The following ANKS1B variants were observed in gnomAD, a reference collection of about 807,000 sequenced individuals.
ANKS1B encodes the protein ankyrin repeat and sterile alpha motif domain-containing protein 1B.
A neutral mutation model predicts 148.3 loss-of-function variants in ANKS1B; 36 were observed. The observed-to-expected ratio is 0.24, with a 90% CI of 0.19 to 0.32. ANKS1B has a LOEUF of 0.32. Ranked by LOEUF, ANKS1B falls within the 10% of genes least tolerant of loss-of-function variation. The pLI is 1.00. For missense variants in ANKS1B, 1,157 were observed against 1,542.6 expected (o/e 0.75, Z 4.19); for synonymous variants, 542 against 560.8 (o/e 0.97, Z 0.47).
chr12:98,940,705 T>C (rs1217961461), intron 17 of ANKS1B, among the ~76,000 whole-genome samples: 1 of 152,190 alleles, frequency 6.6e-6, no homozygotes, highest in Non-Finnish European at 1.5e-5. Flanking sequence ...TAAATAAATA[T>C]TTGTTGAATG....
chr12:99,469,482 A>G (rs2096200716), intron 10 of ANKS1B, among the ~76,000 whole-genome samples: 2 of 152,048 alleles, frequency 1.3e-5, no homozygotes, highest in Middle Eastern at 3.2e-3. Flanking sequence ...TTCCTCTTTT[A>G]CCTCATTATG....
chr12:99,360,075 C>T (rs2092349648), intron 12 of ANKS1B, among the ~76,000 whole-genome samples: 1 of 152,080 alleles, frequency 6.6e-6, no homozygotes, highest in Non-Finnish European at 1.5e-5. Flanking sequence ...CTTAGCTTTT[C>T]TACTTTGAAT....
In ANKS1B at chr12:99,662,115, T is replaced by C. The variant is rs1011989295; in HGVS notation, c.1129-6905A>G. The stretch of plus-strand genomic sequence containing the variant: ...AAACAAACTCTTTCTCTTTAAGCCA[T>C]TATTATTATTTTAGATGTTTTTGTT... On this transcript the variant is annotated intron_variant, in intron 8 of 26. Coordinates refer to ENST00000683438, the MANE Select transcript of ANKS1B (RefSeq NM_001352186.2). Among the ~76,000 whole-genome samples, 4 of 152,180 alleles carry C rather than the reference T, an allele frequency of 2.6e-5. No individual in the cohort carries two copies. The South Asian group carries it at 6.2e-4, about 24-fold the overall frequency.
intron 17 of ANKS1B, among the ~76,000 whole-genome samples, chr12:98,887,425 G>A (rs1288304894): frequency 6.6e-6 from 1 of 151,934 alleles, no homozygotes; most frequent in East Asian, 1.9e-4. Context: ...CTTAAAGAGG[G>A]CCCCCAAATT....
At chr12:98,876,067 T>C (rs1008360064) in intron 17 of ANKS1B, among the ~76,000 whole-genome samples, 3 of 152,162 alleles carry the variant, frequency 2.0e-5, no homozygotes, top group African/African-American at 4.8e-5. Flanking sequence ...CAAATGCAGA[T>C]TGAACCAAAG....
chr12:99,721,830 C>A (rs1226488750), intron 8 of ANKS1B, among the ~76,000 whole-genome samples: 1 of 152,204 alleles, frequency 6.6e-6, no homozygotes, highest in Non-Finnish European at 1.5e-5. Context: ...GTAAGAAATA[C>A]ATTTCAAGTT....
intron 4 of ANKS1B, among the ~76,000 whole-genome samples, chr12:99,789,220 A>G (rs1452505588): frequency 6.6e-6 from 1 of 152,166 alleles, no homozygotes; most frequent in Non-Finnish European, 1.5e-5. Flanking sequence ...CTGCCTAGTA[A>G]TACATAGAAT....
intron 9 of ANKS1B, among the ~76,000 whole-genome samples, chr12:99,509,872 T>C (rs1325645747): frequency 6.6e-6 from 1 of 151,996 alleles, no homozygotes; most frequent in African/African-American, 2.4e-5. Context: ...AGTCCAACTC[T>C]TTTGTTAGGG....
intron 8 of ANKS1B, among the ~76,000 whole-genome samples, chr12:99,747,786 G>T (rs1339733783): frequency 6.6e-6 from 1 of 151,954 alleles, no homozygotes; most frequent in Non-Finnish European, 1.5e-5. Context: ...TTTCAAAATT[G>T]GATTGCTATC....
At chr12:99,306,227 T>C (rs954809629) in intron 12 of ANKS1B, among the ~76,000 whole-genome samples, 4 of 152,104 alleles carry the variant, frequency 2.6e-5, no homozygotes, top group Admixed American at 1.3e-4. Context: ...TTGTTTCTTG[T>C]GTACTGCTCC....
chr12:99,715,127 TAAAAATA>T (rs2057137073), intron 8 of ANKS1B, among the ~76,000 whole-genome samples: 1 of 144,264 alleles, frequency 6.9e-6, no homozygotes, highest in South Asian at 2.2e-4. Flanking sequence ...AGAGTCCATC[TAAAAATA>T]AAAAATAATA....
At chr12:99,681,207 C>T (rs1185320873) in intron 8 of ANKS1B, among the ~76,000 whole-genome samples, 4 of 152,142 alleles carry the variant, frequency 2.6e-5, no homozygotes, top group East Asian at 3.9e-4. Context: ...CCTGAAAGTG[C>T]CACCTCCTGG....
At chr12:99,569,929 G>A (rs2097434540) in intron 9 of ANKS1B, among the ~76,000 whole-genome samples, 2 of 152,174 alleles carry the variant, frequency 1.3e-5, no homozygotes, top group Non-Finnish European at 2.9e-5. Context: ...ACGGTTGGGA[G>A]TCAGTTTACC....
intron 17 of ANKS1B, among the ~76,000 whole-genome samples, chr12:98,888,925 G>C (rs554295843): frequency 6.2e-4 from 94 of 152,240 alleles, no homozygotes; most frequent in African/African-American, 2.1e-3. Context: ...TGTCTATCTT[G>C]TTCATCATTA....
intron 9 of ANKS1B, among the ~76,000 whole-genome samples, chr12:99,613,832 C>T (rs2097922729): frequency 6.6e-6 from 1 of 151,898 alleles, no homozygotes; most frequent in African/African-American, 2.4e-5. Context: ...CAAACCTGCA[C>T]ATCCTGTACA....
At chr12:99,410,497 G>C (rs539152463) in intron 11 of ANKS1B, among the ~76,000 whole-genome samples, 1 of 152,054 alleles carries the variant, frequency 6.6e-6, no homozygotes, top group African/African-American at 2.4e-5. Flanking sequence ...GTGAAACCCC[G>C]TCTCTACTAA....
intron 10 of ANKS1B, among the ~76,000 whole-genome samples, chr12:99,461,892 T>C (rs1008142820): frequency 6.6e-6 from 1 of 152,246 alleles, no homozygotes; most frequent in Non-Finnish European, 1.5e-5. Flanking sequence ...ATTCTGTGGA[T>C]ACAATGTCCA....
At chr12:99,719,150 G>C (rs1484387200) in intron 8 of ANKS1B, among the ~76,000 whole-genome samples, 3 of 152,154 alleles carry the variant, frequency 2.0e-5, no homozygotes, top group African/African-American at 7.2e-5. Flanking sequence ...TGCGTGCAGC[G>C]GCTGCCGCTG....
At chr12:99,419,113 T>C (rs1002119133) in intron 11 of ANKS1B, among the ~76,000 whole-genome samples, 1 of 152,192 alleles carries the variant, frequency 6.6e-6, no homozygotes, top group African/African-American at 2.4e-5. Flanking sequence ...TTGGGAATAC[T>C]AGGTCATAAA....
Sources: allele counts gnomAD v4.1 joint callset (sites outside exome capture counted in the v4.1 genomes callset), GRCh38; gene constraint gnomAD v4.1.1; transcripts MANE v1.5; gene names NCBI Gene and HGNC (gene_info 2026-07-23, HGNC 2026-07-21).